The following PCDHA9 variants were observed in gnomAD, a reference collection of about 807,000 sequenced individuals.
PCDHA9 encodes the protein protocadherin alpha 9.
PCDHA9 carries 62 observed loss-of-function variants against 62.0 expected under a neutral mutation model. That is an observed-to-expected ratio of 1.00 (90% CI 0.81 to 1.23). PCDHA9 has a LOEUF of 1.23. Among genes scored for constraint, PCDHA9 ranks in the 50% most tolerant of loss-of-function variants. The pLI, the probability that PCDHA9 is intolerant of heterozygous loss-of-function variation, is 0.00. For synonymous variants in PCDHA9, 557 were observed against 567.6 expected, an observed-to-expected ratio of 0.98 and a Z score of 0.27; for missense variants, 1,205 against 1,249.8, an observed-to-expected ratio of 0.96 and a Z score of 0.54.
intron 1 of PCDHA9, among the ~76,000 whole-genome samples, chr5:140,961,560 AT>A (rs1223583703): frequency 1.4e-4 from 22 of 152,140 alleles, no homozygotes; most frequent in African/African-American, 4.6e-4. Flanking sequence ...CTTTTTTTAA[AT>A]TTTGTTTTGA....
chr5:141,008,607 C>T (rs782227320), intron 3 of PCDHA9, among the ~76,000 whole-genome samples: 33 of 152,196 alleles, frequency 2.2e-4, no homozygotes, highest in Non-Finnish European at 3.8e-4. Flanking sequence ...CCTCTGGAAC[C>T]CCATTAACTT....
At chr5:140,877,801 C>T in intron 1 of PCDHA9, 1 of 1,613,416 alleles carries the variant, frequency 6.2e-7, no homozygotes, top group South Asian at 1.1e-5. Context: ...CCCAAGCCTT[C>T]AGCTGTCTCG....
At chr5:140,875,399 C>T (rs62622796) in intron 1 of PCDHA9, 40,992 of 1,482,866 alleles carry the variant, frequency 0.028, 731 homozygotes, top group Non-Finnish European at 0.032. Flanking sequence ...AAAAGGGTGA[C>T]TGCTCATAAA....
chr5:140,929,154 T>C (rs1005551092), intron 1 of PCDHA9: 3 of 1,614,180 alleles, frequency 1.9e-6, no homozygotes, highest in Non-Finnish European at 1.7e-6. Context: ...CTCAGACTTA[T>C]CTCTATCGGG....
intron 1 of PCDHA9, chr5:140,883,984 C>G: frequency 6.2e-7 from 1 of 1,612,820 alleles, no homozygotes; most frequent in East Asian, 2.2e-5. Flanking sequence ...GGGCTGGCAG[C>G]GCGGGAGGCA....
intron 1 of PCDHA9, among the ~76,000 whole-genome samples, chr5:140,909,351 T>C (rs2153508982): frequency 6.6e-6 from 1 of 152,238 alleles, no homozygotes; most frequent in African/African-American, 2.4e-5. Context: ...TACCAAGAGA[T>C]GTGTTAATTT....
chr5:140,888,271 T>A (rs1466153758), intron 1 of PCDHA9, among the ~76,000 whole-genome samples: 2 of 152,068 alleles, frequency 1.3e-5, no homozygotes, highest in African/African-American at 4.8e-5. Context: ...TAAGAAACAG[T>A]TTTGTCCCCT....
At chr5:140,907,564 C>A (rs782642591) in intron 1 of PCDHA9, among the ~76,000 whole-genome samples, 1 of 152,228 alleles carries the variant, frequency 6.6e-6, no homozygotes, top group African/African-American at 2.4e-5. Flanking sequence ...ATATAATCAA[C>A]TTGCCACCAG....
At chr5:140,851,008 T>C in intron 1 of PCDHA9, 119 bp downstream of exon 1, 2 of 1,437,046 alleles carry the variant, frequency 1.4e-6, no homozygotes, top group East Asian at 4.8e-5. Flanking sequence ...CAGCAGATTT[T>C]TTTTCTGATA....
At chr5:140,888,315 C>A (rs2061784289) in intron 1 of PCDHA9, among the ~76,000 whole-genome samples, 1 of 152,084 alleles carries the variant, frequency 6.6e-6, no homozygotes, top group Non-Finnish European at 1.5e-5. Flanking sequence ...TTGGCAATGC[C>A]TGGATACATT....
chr5:140,940,434 T>A (rs155816), intron 1 of PCDHA9, among the ~76,000 whole-genome samples: 48,246 of 152,056 alleles, frequency 0.32, 7,999 homozygotes, highest in East Asian at 0.53. Flanking sequence ...TGATCAAGTC[T>A]GCCATGATAT....
rs1554164263 is a variant in PCDHA9, at chr5:140,870,437, C to T, written c.2394+19548C>T. ...ACGGCCAGGGTATCCGTGGAGGTGG[C>T]CGACGTGAACGACAATGCGCCTGCG... On this transcript the variant is annotated intron_variant, in intron 1 of 3. Transcript: ENST00000532602. 3.1e-6 allele frequency: 5 copies of T among 1,614,210 alleles called. No homozygotes were observed. In the East Asian group the frequency reaches 1.1e-4, roughly 36 times the overall value.
rs2098414068 is a variant in PCDHA9 at position 141,009,729 on chromosome 5, G to T, written c.2645G>T (p.Gly882Val). The T allele has an allele frequency of 6.2e-7, 1 of 1,614,168 alleles. No homozygotes were observed. The highest frequency in any genetic ancestry group is 8.5e-7 in the Non-Finnish European group (1 of 1,180,028). ...GGCAACCCCAAACAATCCGGTCCCG[G>T]TGAGTTGCCCGACAAATTCATTATC... is the stretch of plus-strand genomic sequence containing the variant. ...GPGNPKQSGPGELPDKFIIPG... is the reference protein window; with the variant it reads ...GPGNPKQSGPVELPDKFIIPG... Residue 882 changes from glycine (G) to valine (V), a missense_variant, in exon 4 of 4, where the codon GGT becomes GTT. This residue lies in a region of PCDHA9 where 887 missense variants were observed against 809.5 expected (regional missense o/e 1.10). Transcript: ENST00000532602.
intron 3 of PCDHA9, among the ~76,000 whole-genome samples, chr5:140,984,412 A>G (rs1189115390): frequency 5.9e-5 from 9 of 152,184 alleles, no homozygotes; most frequent in African/African-American, 2.2e-4. Flanking sequence ...TATCTTTTTT[A>G]CAGAGATAGA....
chr5:140,952,338 C>CAAAAAAAA (rs55931446), intron 1 of PCDHA9, among the ~76,000 whole-genome samples: 1 of 135,028 alleles, frequency 7.4e-6, no homozygotes. Context: ...AACTCCATCT[C>CAAAAAAAA]AAAAAAAAAA....
chr5:140,971,928 T>C (rs1318885872), intron 1 of PCDHA9, among the ~76,000 whole-genome samples: 1 of 152,186 alleles, frequency 6.6e-6, no homozygotes, highest in Non-Finnish European at 1.5e-5. Flanking sequence ...GCTAGTGTTA[T>C]TTTAAGTTGT....
intron 1 of PCDHA9, chr5:140,856,766 A>C: frequency 1.3e-6 from 2 of 1,596,904 alleles, no homozygotes. Context: ...TAACGCCCCT[A>C]TCTTTGACAG....
At chr5:140,983,092 T>C (rs782172308) in intron 3 of PCDHA9, among the ~76,000 whole-genome samples, 4 of 152,178 alleles carry the variant, frequency 2.6e-5, no homozygotes, top group Non-Finnish European at 5.9e-5. Flanking sequence ...TCAAAGTCAA[T>C]CTGCTTCTCT....
intron 3 of PCDHA9, among the ~76,000 whole-genome samples, chr5:141,005,708 A>G (rs1245739768): frequency 6.8e-6 from 1 of 146,360 alleles, no homozygotes; most frequent in Non-Finnish European, 1.5e-5. Context: ...TCTCAAAAAA[A>G]AAAAAAAAAA....
Sources: gnomAD v4.1 joint callset for allele counts (sites outside exome capture counted in the v4.1 genomes callset) on GRCh38, gnomAD v4.1.1 for gene constraint, gnomAD v4.1.1 regional missense constraint, MANE v1.5 for transcripts, NCBI Gene and HGNC (gene_info 2026-07-23, HGNC 2026-07-21) for gene names.